LIG1: variants seen among roughly 807,000 people sequenced by gnomAD.
The protein encoded by LIG1 is ligase I, DNA, ATP-dependent.
Under a neutral mutation model 115.7 loss-of-function variants are expected in LIG1, and 70 were observed. The ratio of observed to expected loss-of-function variants is 0.60; its 90% CI spans 0.50 to 0.74. The LOEUF is 0.74. LIG1 is among the 30% of genes least tolerant of loss of function. The probability of loss-of-function intolerance (pLI) is 0.00; values close to 1 mark genes in which losing one functional copy is unlikely to be tolerated. For synonymous variants in LIG1, 487 were observed against 495.3 expected, an observed-to-expected ratio of 0.98 and a Z score of 0.22; for missense variants, 1,115 against 1,225.6, an observed-to-expected ratio of 0.91 and a Z score of 1.35.
At chr19:48,130,287 T>A (rs1720425141) in intron 19 of LIG1, among the ~76,000 whole-genome samples, 1 of 152,214 alleles carries the variant, frequency 6.6e-6, no homozygotes, top group South Asian at 2.1e-4. Flanking sequence ...TGTCACTGTC[T>A]CTAACAGGCA....
chr19:48,143,447 G>T, intron 11 of LIG1, 96 bp downstream of exon 11: 3 of 1,158,620 alleles, frequency 2.6e-6, no homozygotes, highest in South Asian at 1.2e-5. Context: ...AGGCCAAGTT[G>T]ACAGGGTTTG....
chr19:48,141,530 G>A (rs2034756722), intron 11 of LIG1, among the ~76,000 whole-genome samples: 1 of 152,222 alleles, frequency 6.6e-6, no homozygotes, highest in African/African-American at 2.4e-5. Context: ...GGCACCGAAA[G>A]AGTCCGTGGC....
chr19:48,144,058 A>T (rs2034958315), intron 9 of LIG1, 95 bp from the exon 10 acceptor site: 2 of 1,028,300 alleles, frequency 1.9e-6, no homozygotes, highest in East Asian at 4.7e-5. Context: ...TGTTCAAGGC[A>T]CACGGTGCAG....
chr19:48,131,549 C>G (rs2034024790), intron 18 of LIG1, among the ~76,000 whole-genome samples: 1 of 152,222 alleles, frequency 6.6e-6, no homozygotes, highest in Non-Finnish European at 1.5e-5. Flanking sequence ...ACCTCCACCT[C>G]CCGGGTTCAA....
At chr19:48,136,965 G>A in intron 14 of LIG1, 43 bp downstream of exon 14, 1 of 1,496,568 alleles carries the variant, frequency 6.7e-7, no homozygotes, top group Non-Finnish European at 9.2e-7. Flanking sequence ...TCACCTCCGA[G>A]CCTGCAGTCC....
chr19:48,160,835 C>T lies in LIG1; in HGVS notation c.243+537G>A, dbSNP rs1024276325. Among the ~76,000 whole-genome samples, 16 of 151,948 alleles carry T rather than the reference C, an allele frequency of 1.1e-4. No individual in the cohort carries two copies. In the South Asian group the frequency reaches 1.5e-3, roughly 14 times the overall value. ...GCAGCCTTGAACACCCGGGCTCAAG[C>T]GATCCTCCTGCCTCAGCCTCTCAAG... On this transcript the variant is annotated intron_variant, in intron 4 of 27. Coordinates refer to ENST00000263274, the MANE Select transcript of LIG1 (RefSeq NM_000234.3).
At chr19:48,170,101 C>A in intron 1 of LIG1, 140 bp downstream of exon 1, 2 of 420,194 alleles carry the variant, frequency 4.8e-6, no homozygotes, top group South Asian at 1.7e-5. Flanking sequence ...GCTCTTCCGT[C>A]TCCACCGCGC....
chr19:48,150,055 C>T (rs747219066), intron 8 of LIG1, 33 bp downstream of exon 8: 5 of 1,614,102 alleles, frequency 3.1e-6, no homozygotes, highest in Non-Finnish European at 4.2e-6. Flanking sequence ...GCCTGTACAA[C>T]CCCGGGAGGT....
chr19:48,141,412 G>A (rs1307549069), intron 11 of LIG1, among the ~76,000 whole-genome samples: 1 of 152,146 alleles, frequency 6.6e-6, no homozygotes, highest in Non-Finnish European at 1.5e-5. Flanking sequence ...GATTACAGGC[G>A]TGAGCCAACA....
At chr19:48,142,457 A>AAAAAAAAAAAAAAAAC (rs71181650) in intron 11 of LIG1, among the ~76,000 whole-genome samples, 4 of 148,050 alleles carry the variant, frequency 2.7e-5, no homozygotes, top group South Asian at 4.4e-4. Flanking sequence ...AAAAAAAAAA[A>AAAAAAAAAAAAAAAAC]CAGAGTGCTG....
chr19:48,140,036 G>T lies in LIG1; in HGVS notation c.1022C>A (p.Pro341His). The T allele has an allele frequency of 1.2e-6, 2 of 1,614,122 alleles. No individual in the cohort carries two copies. Among genetic ancestry groups the T allele is most frequent in the Non-Finnish European group, 8.5e-7 (1 of 1,180,044 alleles). The change falls in exon 12 of 28, where the codon CCC becomes CAC. Residue 341 changes from proline to histidine, a missense_variant. Transcript: ENST00000263274. ...CACGCCAAGCTCCAGGCCCTGCTGGGGTGGCCCAAGGTGGTTGAGGCTGAG... is the reference window on the plus strand; with the variant it reads ...CACGCCAAGCTCCAGGCCCTGCTGGTGTGGCCCAAGGTGGTTGAGGCTGAG... Reference protein sequence around the residue: ...LYLSLNHLGPPQQGLELGVGD... With the variant: ...LYLSLNHLGPHQQGLELGVGD...
At chr19:48,163,388 AT>A (rs1019933006) in intron 2 of LIG1, among the ~76,000 whole-genome samples, 4 of 151,460 alleles carry the variant, frequency 2.6e-5, no homozygotes, top group African/African-American at 9.7e-5. Flanking sequence ...CGCCCGGCTA[AT>A]TTTTTTCATT....
chr19:48,143,096 T>C (rs967703198), intron 11 of LIG1, among the ~76,000 whole-genome samples: 13 of 152,198 alleles, frequency 8.5e-5, no homozygotes, highest in African/African-American at 3.1e-4. Flanking sequence ...GGCAGTGCTA[T>C]GCACTGGGCA....
chr19:48,122,878 T>C lies in LIG1; in HGVS notation c.2232+56A>G. On this transcript the variant is annotated intron_variant, in intron 23 of 27. Coordinates refer to ENST00000263274, the MANE Select transcript of LIG1 (RefSeq NM_000234.3). The surrounding 1 kb of genome is among the most constrained non-coding windows in gnomAD (Gnocchi z 4.3). Reference sequence around the variant, plus strand: ...GGAGGCTCGAAATCCACTGCCTAGCTGGGACAGACCTCCAGACCCGGGGTG... The same window carrying C: ...GGAGGCTCGAAATCCACTGCCTAGCCGGGACAGACCTCCAGACCCGGGGTG... 1 of 1,517,056 alleles carries C rather than the reference T, an allele frequency of 6.6e-7. No individual in the cohort carries two copies. The highest frequency in any genetic ancestry group is 1.7e-5 in the Admixed American group (1 of 59,752). 94.0% of individuals were successfully genotyped at this position (1,517,056 alleles called of 1,614,324 possible). A position where few individuals can be genotyped will look rare whatever the true frequency, so the allele number is the denominator to read the frequency against.
chr19:48,133,681 G>C (rs1477407121), intron 17 of LIG1, among the ~76,000 whole-genome samples: 1 of 152,086 alleles, frequency 6.6e-6, no homozygotes, highest in East Asian at 1.9e-4. Flanking sequence ...CTGCAGCCTT[G>C]AACTCCTGGG....
At chr19:48,149,901 T>C (rs574995944) in intron 8 of LIG1, 60 bp from the exon 9 acceptor site, 155 of 1,567,950 alleles carry the variant, frequency 9.9e-5, no homozygotes, top group Middle Eastern at 6.7e-4. Flanking sequence ...CCACCTCCCA[T>C]CCATTCTGCA....
chr19:48,132,863 G>T, intron 18 of LIG1, 119 bp downstream of exon 18: 25 of 668,846 alleles, frequency 3.7e-5, no homozygotes, highest in Non-Finnish European at 5.4e-5. Context: ...CCAGAGAGAT[G>T]AGCGAGGGCT....
chr19:48,127,566 T>C, intron 20 of LIG1: 1 of 615,264 alleles, frequency 1.6e-6, no homozygotes, highest in Non-Finnish European at 2.9e-6. Flanking sequence ...TTTGCTCTCC[T>C]AGACTTTTCT....
chr19:48,156,673 T>C (rs2122951174), intron 5 of LIG1, among the ~76,000 whole-genome samples: 1 of 150,950 alleles, frequency 6.6e-6, no homozygotes, highest in Non-Finnish European at 1.5e-5. Flanking sequence ...CTGGGTGCGG[T>C]GGCTCACGCC....
Sources: allele counts gnomAD v4.1 joint callset (sites outside exome capture counted in the v4.1 genomes callset), GRCh38; gene constraint gnomAD v4.1.1; non-coding constraint Gnocchi (gnomAD v3.1); transcripts MANE v1.5; gene names NCBI Gene and HGNC (gene_info 2026-07-23, HGNC 2026-07-21).